The following ELF5 variants were observed in gnomAD, a reference collection of about 807,000 sequenced individuals.
ELF5 encodes the protein E74 like ETS transcription factor 5, also known as ETS-related transcription factor Elf-5.
In ELF5, 31 loss-of-function variants were observed where a neutral mutation model predicts 38.2. The observed-to-expected ratio is 0.81, with a 90% CI of 0.61 to 1.10. ELF5 has a LOEUF of 1.10. ELF5 is among the 50% of genes least tolerant of loss of function. The pLI, the probability that ELF5 is intolerant of heterozygous loss-of-function variation, is 0.00. For missense variants in ELF5, 300 were observed against 306.6 expected, an observed-to-expected ratio of 0.98 and a Z score of 0.16; for synonymous variants, 121 against 112.5, an observed-to-expected ratio of 1.08 and a Z score of -0.48.
chr11:34,489,943 T>C, intron 4 of ELF5, 66 bp downstream of exon 4: 3 of 1,566,376 alleles, frequency 1.9e-6, no homozygotes, highest in Non-Finnish European at 2.6e-6. Flanking sequence ...CCTAAAAGAA[T>C]GGTCAAGCCC....
chr11:34,511,648 G>C (rs1417444773), intron 1 of ELF5: 1 of 1,585,038 alleles, frequency 6.3e-7, no homozygotes, highest in African/African-American at 1.3e-5. Context: ...TGCACACAGA[G>C]AGGGTCCACC....
chr11:34,507,405 G>A (rs767374987), intron 1 of ELF5, among the ~76,000 whole-genome samples: 2 of 152,362 alleles, frequency 1.3e-5, no homozygotes, highest in Non-Finnish European at 2.9e-5. Context: ...CTGAGATTCC[G>A]GGTAATACAT....
chr11:34,494,921 T>C (rs977025553), intron 2 of ELF5, among the ~76,000 whole-genome samples: 1 of 152,250 alleles, frequency 6.6e-6, no homozygotes, highest in African/African-American at 2.4e-5. Context: ...AGGATTTAAA[T>C]GCTATTACAA....
intron 3 of ELF5, chr11:34,493,250 C>T: frequency 1.7e-6 from 1 of 601,864 alleles, no homozygotes; most frequent in Non-Finnish European, 2.9e-6. Context: ...GTCCGTTTTT[C>T]TTTCTCTTTT....
chr11:34,498,289 A>G (rs1850364354), intron 2 of ELF5, among the ~76,000 whole-genome samples: 3 of 152,200 alleles, frequency 2.0e-5, no homozygotes, highest in African/African-American at 7.2e-5. Context: ...ACTTGTCAAT[A>G]TTAGGGTTAC....
intron 3 of ELF5, chr11:34,493,177 C>T (rs974426362): frequency 3.6e-6 from 2 of 552,200 alleles, no homozygotes; most frequent in African/African-American, 3.8e-5. Flanking sequence ...TGTGTGGTTT[C>T]AAATCATTAT....
rs115604616 is a variant in ELF5 at position 34,483,888 on chromosome 11, C to G, written c.407-1389G>C. 5.8e-3 allele frequency among the ~76,000 whole-genome samples: 768 copies of G among 133,172 alleles called. 7 individuals are homozygous for G. The highest frequency in any genetic ancestry group is 0.02 in the African/African-American group (733 of 35,894). 87.4% of individuals were successfully genotyped at this position (133,172 alleles called of 152,430 possible). On this transcript the variant is annotated intron_variant, in intron 4 of 6. Coordinates refer to ENST00000257832, the MANE Select transcript of ELF5 (RefSeq NM_001422.4). ...TTCTATTACTGTACTGTACTAACACCATACTACAGTGTACTATACTATACT... is the reference window on the plus strand; with the variant it reads ...TTCTATTACTGTACTGTACTAACACGATACTACAGTGTACTATACTATACT...
Position 34,505,676 on chromosome 11 carries a change from T to C in ELF5, c.74A>G (p.Asp25Gly), listed in dbSNP as rs1161230458. The change falls in exon 2 of 7, where the codon GAT (aspartate) becomes GGT (glycine). Residue 25 changes from aspartate (D) to glycine (G), a missense_variant. Coordinates refer to ENST00000257832, the MANE Select transcript of ELF5 (RefSeq NM_001422.4). ...GTAGTACTCTTCATTGCTGAACAGA[T>C]CAGTCCACGACATCAGGGGATCGCA... ...SFCDPLMSWTDLFSNEEYYPA... is the reference protein window; with the variant it reads ...SFCDPLMSWTGLFSNEEYYPA... The C allele has an allele frequency of 1.2e-6, 2 of 1,614,074 alleles. No homozygotes were observed. The highest frequency in any genetic ancestry group is 1.7e-6 in the Non-Finnish European group (2 of 1,179,980).
At chr11:34,507,843 A>G (rs1850647443) in intron 1 of ELF5, among the ~76,000 whole-genome samples, 1 of 152,370 alleles carries the variant, frequency 6.6e-6, no homozygotes, top group African/African-American at 2.4e-5. Flanking sequence ...GATATTAAAC[A>G]CATGGAATTT....
intron 2 of ELF5, 94 bp from the exon 3 acceptor site, chr11:34,493,806 T>C: frequency 9.3e-7 from 1 of 1,080,416 alleles, no homozygotes; most frequent in Non-Finnish European, 1.3e-6. Context: ...ACATCCTCAT[T>C]CCTCAGCCAA....
intron 4 of ELF5, among the ~76,000 whole-genome samples, chr11:34,486,485 G>T (rs1459307407): frequency 6.6e-6 from 1 of 152,214 alleles, no homozygotes. Flanking sequence ...CCCAGAACTT[G>T]AGGAGTTTCC....
chr11:34,503,652 A>C (rs1002427233), intron 2 of ELF5, among the ~76,000 whole-genome samples: 1 of 152,056 alleles, frequency 6.6e-6, no homozygotes, highest in African/African-American at 2.4e-5. Context: ...AGGTCTCACT[A>C]TGTTGCCCAG....
chr11:34,490,153 A>T (rs1490029404), intron 3 of ELF5, 94 bp from the exon 4 acceptor site: 1 of 1,360,700 alleles, frequency 7.3e-7, no homozygotes, highest in African/African-American at 1.4e-5. Context: ...AAGTGGAGTG[A>T]CTGTCCCTCT....
At chr11:34,480,337 A>C (rs1856906485) in intron 6 of ELF5, 23 bp from the exon 7 acceptor site, 2 of 1,584,386 alleles carry the variant, frequency 1.3e-6, no homozygotes, top group Non-Finnish European at 8.7e-7. Flanking sequence ...GCAGAAGAGA[A>C]ATTCTGGGAG....
intron 3 of ELF5, chr11:34,493,244 G>A (rs543156863): frequency 2.7e-5 from 16 of 600,964 alleles, no homozygotes; most frequent in East Asian, 2.2e-4. Flanking sequence ...CGTGGTGTCC[G>A]TTTTTCTTTC....
intron 2 of ELF5, among the ~76,000 whole-genome samples, chr11:34,500,192 G>A (rs1850426685): frequency 6.6e-6 from 1 of 152,162 alleles, no homozygotes; most frequent in Admixed American, 6.5e-5. Context: ...GGTCAGAGGA[G>A]GCCCGAGTTA....
At chr11:34,510,536 G>A (rs781750167) in intron 1 of ELF5, among the ~76,000 whole-genome samples, 9 of 152,142 alleles carry the variant, frequency 5.9e-5, no homozygotes, top group South Asian at 2.1e-4. Flanking sequence ...CAGGATAGGT[G>A]TGAAAAGGCA....
chr11:34,488,495 A>T (rs1850068972), intron 4 of ELF5, among the ~76,000 whole-genome samples: 1 of 152,216 alleles, frequency 6.6e-6, no homozygotes, highest in Non-Finnish European at 1.5e-5. Flanking sequence ...ATTACCTGAC[A>T]CAATGTCTAT....
chr11:34,484,481 A>AACTATACTAT (rs67918732), intron 4 of ELF5, among the ~76,000 whole-genome samples: 3,274 of 115,880 alleles, frequency 0.028, 54 homozygotes, highest in South Asian at 0.045. Flanking sequence ...ACACTATACT[A>AACTATACTAT]ACTATACTAT....
Sources: gnomAD v4.1 joint callset for allele counts (sites outside exome capture counted in the v4.1 genomes callset) on GRCh38, gnomAD v4.1.1 for gene constraint, MANE v1.5 for transcripts, NCBI Gene and HGNC (gene_info 2026-07-23, HGNC 2026-07-21) for gene names.